The following ECE1 variants were observed in gnomAD, a reference collection of about 807,000 sequenced individuals.
ECE1 encodes the protein endothelin converting enzyme 1.
ECE1 carries 35 observed loss-of-function variants against 98.6 expected under a neutral mutation model. That is an observed-to-expected ratio of 0.35 (90% CI 0.27 to 0.47). The LOEUF (loss-of-function observed/expected upper bound fraction) is 0.47, where lower values mean the gene tolerates loss of function less well. Among genes scored for constraint, ECE1 ranks in the 20% least tolerant of loss-of-function variants. The probability of loss-of-function intolerance (pLI) is 1.00; values close to 1 mark genes in which losing one functional copy is unlikely to be tolerated. For missense variants in ECE1, 814 were observed against 1,025.3 expected (o/e 0.79, Z 2.81); for synonymous variants, 394 against 407.1 (o/e 0.97, Z 0.39).
chr1:21,331,309 C>T (rs1200476582), intron 1 of ECE1, among the ~76,000 whole-genome samples: 1 of 151,992 alleles, frequency 6.6e-6, no homozygotes, highest in Admixed American at 6.6e-5. Flanking sequence ...GAGGCTGAGG[C>T]AGAGGAATCG....
rs1024204978 is a variant in ECE1, at chr1:21,258,690, C to A, written c.762+3G>T. The A allele has an allele frequency of 1.9e-6, 3 of 1,612,758 alleles. No homozygotes were observed. Among genetic ancestry groups the A allele is most frequent in the Non-Finnish European group, 2.5e-6 (3 of 1,179,194 alleles). ...CGACCGCTGCAGGTTCAAGCTAGCT[C>A]ACCTGGATCACGTTGCTGTTGGAGT... is the stretch of plus-strand genomic sequence containing the variant. On this transcript the variant is annotated splice_donor_region_variant and intron_variant, in intron 6 of 18. Coordinates refer to ENST00000374893, the MANE Select transcript of ECE1 (RefSeq NM_001397.3). This position sits in a 1 kb window ranked among gnomAD's most constrained non-coding sequence, Gnocchi z 4.2.
rs535682775 is a variant in ECE1 at position 21,267,977 on chromosome 1, T to G, written c.493+4722A>C. 3.3e-5 allele frequency among the ~76,000 whole-genome samples: 5 copies of G among 152,366 alleles called. No homozygotes were observed. The East Asian group carries it at 9.6e-4, about 29-fold the overall frequency. ...ACTGGAAGGCAGACTGCTAGTTTTT[T>G]CTTTATGGAATCTGTGTTGCTTGAA... On this transcript the variant is annotated intron_variant, in intron 4 of 18. Transcript: ENST00000374893.
intron 2 of ECE1, among the ~76,000 whole-genome samples, chr1:21,281,147 G>A (rs1444744214): frequency 1.3e-5 from 2 of 152,028 alleles, no homozygotes. Context: ...CTGAGATTGC[G>A]CCACTGCACT....
chr1:21,321,865 C>G (rs2103403051), intron 1 of ECE1, among the ~76,000 whole-genome samples: 1 of 152,340 alleles, frequency 6.6e-6, no homozygotes, highest in Admixed American at 6.5e-5. Context: ...ATCCACCCAC[C>G]TTGGCCTCCC....
intron 3 of ECE1, among the ~76,000 whole-genome samples, chr1:21,273,991 G>A (rs1337146570): frequency 2.6e-5 from 4 of 152,234 alleles, no homozygotes; most frequent in East Asian, 3.8e-4. Flanking sequence ...GTGCAGGATC[G>A]AGAATCACAG....
chr1:21,301,464 C>T (rs1227364026), intron 1 of ECE1, among the ~76,000 whole-genome samples: 1 of 151,780 alleles, frequency 6.6e-6, no homozygotes, highest in African/African-American at 2.4e-5. Context: ...CACTGCACTC[C>T]AGCCTGGGCG....
intron 1 of ECE1, among the ~76,000 whole-genome samples, chr1:21,326,641 G>A (rs1321375129): frequency 2.0e-5 from 3 of 152,104 alleles, no homozygotes; most frequent in African/African-American, 7.2e-5. Flanking sequence ...GGGATGGTTT[G>A]GAGCAGCGTA....
chr1:21,232,637 A>T (rs1023460267), intron 14 of ECE1, among the ~76,000 whole-genome samples: 1 of 150,670 alleles, frequency 6.6e-6, no homozygotes, highest in Non-Finnish European at 1.5e-5. Flanking sequence ...ACCAGGTCTC[A>T]TTCTAGGTTA....
rs1362266260 is a variant in ECE1, at chr1:21,260,947, G to T, written c.494-555C>A. ...TTTTCCACCGCCCTTGCCAACTCCA[G>T]CAAGCAGCATCTCCCTCCTGCAGTG... On this transcript the variant is annotated intron_variant, in intron 4 of 18. Coordinates refer to ENST00000374893, the MANE Select transcript of ECE1 (RefSeq NM_001397.3). This position sits in a 1 kb window ranked among gnomAD's most constrained non-coding sequence, Gnocchi z 4.3. Among the ~76,000 whole-genome samples the T allele has an allele frequency of 6.6e-6, 1 of 152,224 alleles. No individual in the cohort carries two copies. The highest frequency in any genetic ancestry group is 1.5e-5 in the Non-Finnish European group (1 of 68,042).
At chr1:21,304,397 G>A (rs1359452880) in intron 1 of ECE1, among the ~76,000 whole-genome samples, 1 of 151,440 alleles carries the variant, frequency 6.6e-6, no homozygotes, top group African/African-American at 2.4e-5. Flanking sequence ...GCTGAGGAGT[G>A]GCCACCTCCT....
chr1:21,244,824 C>T (rs139517270), intron 10 of ECE1, among the ~76,000 whole-genome samples, 165 bp downstream of exon 10: 58 of 152,280 alleles, frequency 3.8e-4, no homozygotes, highest in Non-Finnish European at 7.1e-4. Flanking sequence ...TATAAATTGG[C>T]TGAGTGGCTA....
At position 21,268,932 on chromosome 1, in the gene ECE1, G is replaced by A. The variant is rs572874390; in HGVS notation, c.493+3767C>T. ...TTTCCAGACTAGTTCCGAGGACTGA[G>A]CCTTGAGGGAGAGGACCCCAGGATA... On this transcript the variant is annotated intron_variant, in intron 4 of 18. Coordinates refer to ENST00000374893, the MANE Select transcript of ECE1 (RefSeq NM_001397.3). 1.2e-4 allele frequency among the ~76,000 whole-genome samples: 19 copies of A among 152,368 alleles called. No individual in the cohort carries two copies. In the South Asian group the frequency reaches 3.9e-3, roughly 32 times the overall value.
At chr1:21,274,146 G>A (rs1283792245) in intron 3 of ECE1, among the ~76,000 whole-genome samples, 1 of 152,248 alleles carries the variant, frequency 6.6e-6, no homozygotes, top group Non-Finnish European at 1.5e-5. Flanking sequence ...CATGTCCCTA[G>A]TTAAAGAGGA....
At position 21,258,043 on chromosome 1, in the gene ECE1, T is replaced by C. The variant is rs2098222134; in HGVS notation, c.763-453A>G. ...ATTCAAGAAGACAGTGCTGGTCAAG[T>C]GCCTGCCAAGCAGGAGGGGAGGGTC... On this transcript the variant is annotated intron_variant, in intron 6 of 18. Coordinates refer to ENST00000374893, the MANE Select transcript of ECE1 (RefSeq NM_001397.3). The surrounding 1 kb of genome is among the most constrained non-coding windows in gnomAD (Gnocchi z 4.2). Among the ~76,000 whole-genome samples the C allele has an allele frequency of 6.6e-6, 1 of 152,180 alleles. No individual in the cohort carries two copies. Among genetic ancestry groups the C allele is most frequent in the Admixed American group, 6.5e-5 (1 of 15,278 alleles).
chr1:21,284,587 G>C (rs141304086), intron 2 of ECE1, among the ~76,000 whole-genome samples: 1 of 152,304 alleles, frequency 6.6e-6, no homozygotes, highest in African/African-American at 2.4e-5. Flanking sequence ...GAGTTCCCAG[G>C]GTTTCCACAG....
intron 8 of ECE1, among the ~76,000 whole-genome samples, chr1:21,251,883 C>T (rs1295577009): frequency 6.6e-6 from 1 of 152,172 alleles, no homozygotes; most frequent in Admixed American, 6.5e-5. Context: ...TTACCTTGTC[C>T]TCTCTGCCCT....
intron 1 of ECE1, among the ~76,000 whole-genome samples, chr1:21,329,278 C>T (rs1048698834): frequency 6.6e-6 from 1 of 152,184 alleles, no homozygotes; most frequent in Non-Finnish European, 1.5e-5. Context: ...TTCTCATGCA[C>T]ATGTCCGTTG....
chr1:21,237,760 C>T (rs2098190224), intron 11 of ECE1, among the ~76,000 whole-genome samples: 1 of 152,208 alleles, frequency 6.6e-6, no homozygotes, highest in Non-Finnish European at 1.5e-5. Context: ...TGGCACTCCT[C>T]TGCCTGTCTA....
intron 8 of ECE1, among the ~76,000 whole-genome samples, chr1:21,254,039 A>C (rs1467523939): frequency 7.0e-5 from 10 of 142,624 alleles, no homozygotes; most frequent in Non-Finnish European, 3.0e-5. Flanking sequence ...ACTGCACTCC[A>C]TCCTGGGCGA....
Sources: allele counts gnomAD v4.1 joint callset (sites outside exome capture counted in the v4.1 genomes callset), GRCh38; gene constraint gnomAD v4.1.1; non-coding constraint Gnocchi (gnomAD v3.1); transcripts MANE v1.5; gene names NCBI Gene and HGNC (gene_info 2026-07-23, HGNC 2026-07-21).